The following AGBL4 variants were observed in gnomAD, a reference collection of about 807,000 sequenced individuals.
The protein encoded by AGBL4 is AGBL carboxypeptidase 4.
A neutral mutation model predicts 66.4 loss-of-function variants in AGBL4; 58 were observed. The observed-to-expected ratio is 0.87, with a 90% CI of 0.71 to 1.09. AGBL4 has a LOEUF of 1.09. AGBL4 is among the 50% of genes least tolerant of loss of function. The pLI, the probability that AGBL4 is intolerant of heterozygous loss-of-function variation, is 0.00. For synonymous variants in AGBL4, 234 were observed against 222.9 expected (o/e 1.05, Z -0.44); for missense variants, 579 against 631.0 (o/e 0.92, Z 0.88).
Position 49,598,016 on chromosome 1 carries a change from C to A in AGBL4, c.282+99297G>T, listed in dbSNP as rs539685427. On this transcript the variant is annotated intron_variant, in intron 3 of 13. Coordinates refer to ENST00000371839, the MANE Select transcript of AGBL4 (RefSeq NM_032785.4). ...ATGTGAATATGCTTTATTTCTTTCT[C>A]TTGCCTGATTGCCCTGGCCAGAACT... is the stretch of plus-strand genomic sequence containing the variant. 1.4e-4 allele frequency among the ~76,000 whole-genome samples: 22 copies of A among 152,304 alleles called. No homozygotes were observed. The South Asian group carries it at 3.9e-3, about 27-fold the overall frequency.
intron 6 of AGBL4, among the ~76,000 whole-genome samples, chr1:48,776,031 C>T (rs1182898268): frequency 6.6e-6 from 1 of 152,184 alleles, no homozygotes; most frequent in Non-Finnish European, 1.5e-5. Context: ...AGGTTCATGG[C>T]CTCCTCATCC....
At chr1:48,683,572 C>CA (rs112997498) in intron 6 of AGBL4, among the ~76,000 whole-genome samples, 2 of 151,884 alleles carry the variant, frequency 1.3e-5, no homozygotes. Context: ...AAAGCGTGTT[C>CA]AAAAAAAATC....
chr1:49,132,356 A>C (rs1297761990), intron 4 of AGBL4, among the ~76,000 whole-genome samples: 1 of 152,088 alleles, frequency 6.6e-6, no homozygotes, highest in African/African-American at 2.4e-5. Context: ...GAAAAAAGAA[A>C]ATGACAACTT....
At chr1:49,564,672 CA>C (rs1429948592) in intron 3 of AGBL4, among the ~76,000 whole-genome samples, 1 of 150,652 alleles carries the variant, frequency 6.6e-6, no homozygotes, top group Non-Finnish European at 1.5e-5. Context: ...GTCTGAGAGA[CA>C]GTTTGTTATA....
At chr1:49,166,154 A>C (rs1009111732) in intron 4 of AGBL4, among the ~76,000 whole-genome samples, 1 of 152,156 alleles carries the variant, frequency 6.6e-6, no homozygotes, top group African/African-American at 2.4e-5. Context: ...TGGTGCCTTC[A>C]GGGACCCAGC....
chr1:48,933,024 G>T lies in AGBL4; in HGVS notation c.595-65794C>A, dbSNP rs184541689. Among the ~76,000 whole-genome samples, 395 of 151,732 alleles carry T rather than the reference G, an allele frequency of 2.6e-3. 1 individual carries two copies. The highest frequency in any genetic ancestry group is 8.9e-3 in the African/African-American group (370 of 41,346). ...TTTTTCCTTTTACCTCTTTGTTTAT[G>T]CAAAGATTATATGTGGTTTGCTTTA... On this transcript the variant is annotated intron_variant, in intron 5 of 13. Coordinates refer to ENST00000371839, the MANE Select transcript of AGBL4 (RefSeq NM_032785.4).
At chr1:48,542,251 T>C (rs1230061778) in intron 11 of AGBL4, among the ~76,000 whole-genome samples, 1 of 152,234 alleles carries the variant, frequency 6.6e-6, no homozygotes. Context: ...TTGATGGGCA[T>C]TTGGGTTGGT....
At chr1:49,820,360 T>G (rs2147990970) in intron 2 of AGBL4, among the ~76,000 whole-genome samples, 1 of 152,306 alleles carries the variant, frequency 6.6e-6, no homozygotes, top group Non-Finnish European at 1.5e-5. Context: ...AAACACACAC[T>G]TAACTGCCAA....
intron 3 of AGBL4, among the ~76,000 whole-genome samples, chr1:49,370,247 A>AT (rs1644315896): frequency 6.6e-6 from 1 of 151,300 alleles, no homozygotes; most frequent in African/African-American, 2.4e-5. Flanking sequence ...AGTGAGATTG[A>AT]TTTTAAGGAA....
intron 3 of AGBL4, among the ~76,000 whole-genome samples, chr1:49,373,370 C>T (rs962266598): frequency 9.2e-5 from 14 of 152,120 alleles, no homozygotes; most frequent in Middle Eastern, 3.4e-3. Context: ...AACATGCCTG[C>T]GATAATTCAG....
At chr1:48,750,487 T>C (rs1339648166) in intron 6 of AGBL4, among the ~76,000 whole-genome samples, 2 of 152,128 alleles carry the variant, frequency 1.3e-5, no homozygotes, top group African/African-American at 4.8e-5. Context: ...ACCCCAGCCA[T>C]GTAAGGAGCT....
chr1:48,714,031 A>C (rs10888615), intron 6 of AGBL4, among the ~76,000 whole-genome samples: 149,327 of 152,228 alleles, frequency 0.98, 73,305 homozygotes, highest in East Asian at 1. Context: ...TTAAATCTTG[A>C]GTACATCTCA....
At chr1:49,579,173 T>C (rs894897508) in intron 3 of AGBL4, among the ~76,000 whole-genome samples, 11 of 152,204 alleles carry the variant, frequency 7.2e-5, no homozygotes, top group African/African-American at 2.4e-4. Flanking sequence ...CCAATTACGG[T>C]ACCTTGTGAT....
At chr1:49,471,886 T>C (rs1395196200) in intron 3 of AGBL4, 1 of 152,030 alleles carries the variant, frequency 6.6e-6, no homozygotes, top group Non-Finnish European at 1.5e-5. Context: ...GTGTCAGAGA[T>C]GGCCAAGTAA....
chr1:49,333,465 A>G (rs886848332), intron 3 of AGBL4, among the ~76,000 whole-genome samples: 4 of 152,230 alleles, frequency 2.6e-5, no homozygotes, highest in African/African-American at 9.6e-5. Flanking sequence ...CAACAGAGCG[A>G]GACTCTGTCT....
At chr1:49,273,646 A>G (rs1393657722) in intron 3 of AGBL4, among the ~76,000 whole-genome samples, 1 of 151,626 alleles carries the variant, frequency 6.6e-6, no homozygotes, top group African/African-American at 2.4e-5. Flanking sequence ...TTCATACAAT[A>G]TTAAAAAGAT....
intron 3 of AGBL4, among the ~76,000 whole-genome samples, chr1:49,528,368 A>T (rs1313231497): frequency 6.6e-6 from 1 of 152,072 alleles, no homozygotes; most frequent in African/African-American, 2.4e-5. Context: ...CAAGCAAAGA[A>T]TCCTAATCAA....
intron 11 of AGBL4, among the ~76,000 whole-genome samples, chr1:48,548,707 T>C (rs952758497): frequency 6.6e-6 from 1 of 152,184 alleles, no homozygotes; most frequent in African/African-American, 2.4e-5. Flanking sequence ...CCTGACTGCA[T>C]TGAAGGGTGC....
At chr1:49,654,976 T>A (rs1233273842) in intron 3 of AGBL4, among the ~76,000 whole-genome samples, 1 of 152,210 alleles carries the variant, frequency 6.6e-6, no homozygotes, top group South Asian at 2.1e-4. Context: ...TGATGTTAGC[T>A]GGTTATTTTG....
Sources: gnomAD v4.1 joint callset for allele counts (sites outside exome capture counted in the v4.1 genomes callset) on GRCh38, gnomAD v4.1.1 for gene constraint, MANE v1.5 for transcripts, NCBI Gene and HGNC (gene_info 2026-07-23, HGNC 2026-07-21) for gene names.